AUTS2: variants seen among roughly 807,000 people sequenced by gnomAD.
AUTS2 encodes activator of transcription and developmental regulator AUTS2.
Under a neutral mutation model 112.4 loss-of-function variants are expected in AUTS2, and 17 were observed. The ratio of observed to expected loss-of-function variants is 0.15; its 90% confidence interval spans 0.10 to 0.23. The LOEUF is 0.23. Ranked by LOEUF, AUTS2 falls within the 10% of genes least tolerant of loss-of-function variation. AUTS2 has a pLI of 1.00. For missense variants in AUTS2, 1,510 were observed against 1,701.6 expected, an observed-to-expected ratio of 0.89 and a Z score of 1.98; for synonymous variants, 751 against 702.7, an observed-to-expected ratio of 1.07 and a Z score of -1.09.
At chr7:69,928,808 C>T (rs760524225) in intron 2 of AUTS2, among the ~76,000 whole-genome samples, 19 of 152,234 alleles carry the variant, frequency 1.2e-4, no homozygotes, top group South Asian at 8.3e-4. Flanking sequence ...GTTCCTGTCC[C>T]GCCAACTCTG....
intron 5 of AUTS2, among the ~76,000 whole-genome samples, chr7:70,548,930 C>A (rs1202029745): frequency 7.0e-6 from 1 of 143,738 alleles, no homozygotes; most frequent in African/African-American, 2.6e-5. Context: ...TTCTACCCCC[C>A]CCCCAAAAAA....
chr7:70,125,928 T>C (rs1043098125), intron 3 of AUTS2, among the ~76,000 whole-genome samples: 1 of 152,186 alleles, frequency 6.6e-6, no homozygotes, highest in Non-Finnish European at 1.5e-5. Flanking sequence ...TCAGCTAAGA[T>C]GAAAATTTCT....
chr7:70,304,623 G>A (rs1323731041), intron 4 of AUTS2, among the ~76,000 whole-genome samples: 1 of 151,702 alleles, frequency 6.6e-6, no homozygotes, highest in Non-Finnish European at 1.5e-5. Flanking sequence ...AAAACTTCCT[G>A]TTGTGAGAGC....
chr7:70,423,099 T>C (rs1795293048), intron 4 of AUTS2, among the ~76,000 whole-genome samples: 1 of 152,160 alleles, frequency 6.6e-6, no homozygotes, highest in Non-Finnish European at 1.5e-5. Flanking sequence ...GTCAGAGCCC[T>C]GGAAAGCTTC....
In AUTS2 at chr7:70,766,326, C is replaced by T. The variant is rs1563183632; in HGVS notation, c.1681C>T (p.Pro561Ser). The T allele has an allele frequency of 6.2e-7, 1 of 1,614,104 alleles. No individual in the cohort carries two copies. The highest frequency in any genetic ancestry group is 2.2e-5 in the East Asian group (1 of 44,864). ...PPTAIMPTPA[P>S]PMFDKYPTKV... ...CACCGCCATCATGCCGACGCCAGCA[C>T]CTCCCATGGTGCGTACCCCAGGCAG... Residue 561 changes from proline to serine, a missense_variant, in exon 9 of 19, where the codon CCT becomes TCT. Pro to Ser is a moderately conservative substitution (Grantham distance 74). This residue lies in a region of AUTS2 where 187 missense variants were observed against 309.7 expected (regional missense o/e 0.60). Transcript: ENST00000342771. This position sits in a 1 kb window ranked among gnomAD's most constrained non-coding sequence, Gnocchi z 4.8.
intron 4 of AUTS2, among the ~76,000 whole-genome samples, chr7:70,316,515 T>C (rs1790005696): frequency 1.3e-5 from 2 of 150,528 alleles, no homozygotes; most frequent in Non-Finnish European, 3.0e-5. Flanking sequence ...GCGACTCTCC[T>C]GCCTCAGCCA....
At chr7:70,458,551 G>C (rs564417432) in intron 5 of AUTS2, among the ~76,000 whole-genome samples, 1 of 152,246 alleles carries the variant, frequency 6.6e-6, no homozygotes, top group African/African-American at 2.4e-5. Context: ...CAAGTGGCCG[G>C]GCTTTCTTAG....
intron 5 of AUTS2, 104 bp downstream of exon 5, chr7:70,435,885 G>T: frequency 8.1e-7 from 1 of 1,230,762 alleles, no homozygotes; most frequent in Non-Finnish European, 1.2e-6. Flanking sequence ...CATGTTGACA[G>T]GACCTTTTCT....
At chr7:69,652,860 A>G (rs945068943) in intron 1 of AUTS2, among the ~76,000 whole-genome samples, 4 of 152,198 alleles carry the variant, frequency 2.6e-5, no homozygotes, top group Admixed American at 1.3e-4. Flanking sequence ...TAGTTTTGTT[A>G]GATATAAACA....
intron 2 of AUTS2, among the ~76,000 whole-genome samples, chr7:69,990,806 T>C (rs975329267): frequency 6.6e-6 from 1 of 152,240 alleles, no homozygotes; most frequent in Non-Finnish European, 1.5e-5. Flanking sequence ...ATTATACTTA[T>C]AAGTTGAGCA....
chr7:69,784,099 C>T (rs759808996), intron 1 of AUTS2, among the ~76,000 whole-genome samples: 2 of 152,240 alleles, frequency 1.3e-5, no homozygotes, highest in South Asian at 2.1e-4. Context: ...AAAATGACAC[C>T]GAACGTTGTC....
At chr7:70,603,662 C>G (rs529814964) in intron 5 of AUTS2, among the ~76,000 whole-genome samples, 33 of 152,328 alleles carry the variant, frequency 2.2e-4, no homozygotes, top group African/African-American at 7.2e-4. Flanking sequence ...ATACAAGACC[C>G]TGGCCCTCGA....
intron 4 of AUTS2, among the ~76,000 whole-genome samples, chr7:70,410,665 C>T (rs1325899784): frequency 6.6e-6 from 1 of 151,596 alleles, no homozygotes; most frequent in African/African-American, 2.4e-5. Flanking sequence ...AAGTGATCCG[C>T]CCTCCTCAGC....
chr7:70,357,868 A>T (rs1792082196), intron 4 of AUTS2, among the ~76,000 whole-genome samples: 1 of 152,220 alleles, frequency 6.6e-6, no homozygotes, highest in Non-Finnish European at 1.5e-5. Context: ...TTTCTTAAGC[A>T]AAAGCTACTA....
At chr7:70,178,278 G>C (rs1401442456) in intron 4 of AUTS2, among the ~76,000 whole-genome samples, 1 of 151,936 alleles carries the variant, frequency 6.6e-6, no homozygotes, top group African/African-American at 2.4e-5. Context: ...ATGAATGGCA[G>C]TACCACTTGG....
intron 4 of AUTS2, among the ~76,000 whole-genome samples, chr7:70,214,743 C>G (rs1811087535): frequency 6.6e-6 from 1 of 152,136 alleles, no homozygotes; most frequent in African/African-American, 2.4e-5. Context: ...CACTTCGATA[C>G]CTTGGATCTG....
chr7:70,726,807 G>A (rs1218385559), intron 6 of AUTS2, among the ~76,000 whole-genome samples: 3 of 152,180 alleles, frequency 2.0e-5, no homozygotes, highest in African/African-American at 7.2e-5. Context: ...TATTGAGAGT[G>A]GATCTGGCGC....
At chr7:69,798,374 G>A (rs931173766) in intron 1 of AUTS2, among the ~76,000 whole-genome samples, 5 of 152,060 alleles carry the variant, frequency 3.3e-5, no homozygotes, top group Admixed American at 2.0e-4. Flanking sequence ...CAGTGCGTTC[G>A]GTAAACGTTG....
intron 2 of AUTS2, among the ~76,000 whole-genome samples, chr7:70,002,354 G>T (rs1452825323): frequency 1.3e-5 from 2 of 152,122 alleles, no homozygotes; most frequent in Non-Finnish European, 2.9e-5. Flanking sequence ...ACTTTTTCCA[G>T]TGGTGATTAA....
Sources: allele counts gnomAD v4.1 joint callset (sites outside exome capture counted in the v4.1 genomes callset), GRCh38; gene constraint gnomAD v4.1.1; regional missense constraint gnomAD v4.1.1; non-coding constraint Gnocchi (gnomAD v3.1); transcripts MANE v1.5; gene names NCBI Gene and HGNC (gene_info 2026-07-23, HGNC 2026-07-21).